CTNNA3: variants seen among roughly 807,000 people sequenced by gnomAD.
CTNNA3 encodes catenin alpha-3.
CTNNA3 carries 76 observed loss-of-function variants against 95.7 expected under a neutral mutation model. The observed-to-expected ratio is 0.79, with a 90% CI of 0.66 to 0.96. CTNNA3 has a LOEUF of 0.96. Ranked by LOEUF, CTNNA3 falls within the 40% of genes least tolerant of loss-of-function variation. The pLI is 0.00. For synonymous variants in CTNNA3, 431 were observed against 374.4 expected (o/e 1.15, Z -1.74); for missense variants, 1,191 against 1,089.8 (o/e 1.09, Z -1.31).
At chr10:65,944,441 T>G (rs2077478590) in intron 17 of CTNNA3, among the ~76,000 whole-genome samples, 1 of 152,182 alleles carries the variant, frequency 6.6e-6, no homozygotes, top group Non-Finnish European at 1.5e-5. Context: ...CAAACAAAAT[T>G]AGTGAGACAA....
chr10:67,170,348 C>T (rs1450075017), intron 7 of CTNNA3, among the ~76,000 whole-genome samples: 1 of 152,042 alleles, frequency 6.6e-6, no homozygotes. Context: ...TGATTCACAG[C>T]AAAAACATGG....
intron 13 of CTNNA3, among the ~76,000 whole-genome samples, chr10:66,164,983 T>C (rs539952534): frequency 9.2e-5 from 14 of 152,246 alleles, no homozygotes; most frequent in African/African-American, 3.1e-4. Flanking sequence ...AAAATTTCTG[T>C]TCCTATCTGA....
At chr10:67,358,344 G>C (rs1842886162) in intron 5 of CTNNA3, among the ~76,000 whole-genome samples, 1 of 152,152 alleles carries the variant, frequency 6.6e-6, no homozygotes, top group Non-Finnish European at 1.5e-5. Context: ...TCTTGGACCA[G>C]ATGGCCAACT....
chr10:67,401,751 A>C (rs1347093220), intron 5 of CTNNA3, among the ~76,000 whole-genome samples: 1 of 152,192 alleles, frequency 6.6e-6, no homozygotes, highest in Non-Finnish European at 1.5e-5. Context: ...CAAAGGAACC[A>C]CAAGGCTGAG....
At chr10:67,281,951 C>T (rs1163411112) in intron 5 of CTNNA3, among the ~76,000 whole-genome samples, 2 of 152,114 alleles carry the variant, frequency 1.3e-5, no homozygotes, top group African/African-American at 4.8e-5. Context: ...TGACTACTCT[C>T]TACATAGAAA....
At chr10:66,501,486 CT>C (rs1162311179) in intron 11 of CTNNA3, among the ~76,000 whole-genome samples, 1 of 152,144 alleles carries the variant, frequency 6.6e-6, no homozygotes, top group Non-Finnish European at 1.5e-5. Context: ...GTCCAGTAGG[CT>C]TTATCCACCA....
chr10:66,930,597 T>C (rs1847321920), intron 7 of CTNNA3, among the ~76,000 whole-genome samples: 1 of 152,186 alleles, frequency 6.6e-6, no homozygotes, highest in South Asian at 2.1e-4. Flanking sequence ...ACCAAATATA[T>C]TTAGGCAAGG....
At chr10:67,109,167 A>T (rs940780291) in intron 7 of CTNNA3, among the ~76,000 whole-genome samples, 6 of 152,202 alleles carry the variant, frequency 3.9e-5, no homozygotes, top group African/African-American at 1.4e-4. Flanking sequence ...AGGTTATGGC[A>T]TAAGACTGAT....
chr10:67,205,174 G>T (rs1863837899), intron 6 of CTNNA3, among the ~76,000 whole-genome samples: 1 of 152,192 alleles, frequency 6.6e-6, no homozygotes, highest in African/African-American at 2.4e-5. Context: ...AAGTTAGCTT[G>T]GCCCTGGCCC....
intron 10 of CTNNA3, among the ~76,000 whole-genome samples, chr10:66,604,816 C>T (rs1209495526): frequency 6.9e-6 from 1 of 145,924 alleles, no homozygotes; most frequent in East Asian, 2.0e-4. Flanking sequence ...CAAAGGTCAA[C>T]AACTTCAATG....
chr10:67,084,502 ACAG>A lies in CTNNA3; in HGVS notation c.1047+95812_1047+95814del, dbSNP rs200088933. Among the ~76,000 whole-genome samples the A allele has an allele frequency of 8.3e-3, 1,255 of 152,092 alleles. 15 individuals carry two copies. Among genetic ancestry groups the A allele is most frequent in the African/African-American group, 0.022 (910 of 41,542 alleles). On this transcript the variant is annotated intron_variant, in intron 7 of 17. Transcript: ENST00000433211. ...TATAATTCTACTCTAAATTTCATTC[ACAG>A]CAGAACACCCTCAGCCATGAGAAAA... is the stretch of plus-strand genomic sequence containing the variant.
intron 1 of CTNNA3, chr10:67,750,302 C>T: frequency 1.3e-6 from 2 of 1,524,286 alleles, no homozygotes; most frequent in East Asian, 2.3e-5. Context: ...CTTTGTGGAG[C>T]TCAATACCAA....
chr10:67,281,793 C>T (rs1021005151), intron 5 of CTNNA3, among the ~76,000 whole-genome samples: 1 of 152,066 alleles, frequency 6.6e-6, no homozygotes, highest in Non-Finnish European at 1.5e-5. Flanking sequence ...AAATATCCCA[C>T]CAGCCAAATG....
chr10:66,057,911 A>G (rs1589304811), intron 15 of CTNNA3, among the ~76,000 whole-genome samples: 1 of 152,304 alleles, frequency 6.6e-6, no homozygotes, highest in South Asian at 2.1e-4. Context: ...TTTACCACAC[A>G]TATGAGAAAG....
At chr10:66,591,599 C>T (rs1261772731) in intron 10 of CTNNA3, among the ~76,000 whole-genome samples, 1 of 152,056 alleles carries the variant, frequency 6.6e-6, no homozygotes, top group Non-Finnish European at 1.5e-5. Flanking sequence ...CCTCTTTTAC[C>T]TCCAGCTATC....
chr10:66,596,572 A>C (rs958051473), intron 10 of CTNNA3, among the ~76,000 whole-genome samples: 6 of 152,146 alleles, frequency 3.9e-5, no homozygotes, highest in African/African-American at 1.4e-4. Flanking sequence ...GAATATACAA[A>C]ATCTAAATAC....
intron 11 of CTNNA3, among the ~76,000 whole-genome samples, chr10:66,506,283 G>A (rs1342222505): frequency 6.6e-6 from 1 of 152,122 alleles, no homozygotes. Context: ...TGGAGGGGTT[G>A]AATGTCCAAA....
chr10:66,157,006 G>C (rs187428599), intron 13 of CTNNA3, among the ~76,000 whole-genome samples: 1 of 151,692 alleles, frequency 6.6e-6, no homozygotes, highest in Non-Finnish European at 1.5e-5. Context: ...TTTGCATTTG[G>C]GTTTTGGTTT....
chr10:66,081,716 A>T (rs879727830), intron 14 of CTNNA3, among the ~76,000 whole-genome samples: 1 of 152,204 alleles, frequency 6.6e-6, no homozygotes, highest in East Asian at 1.9e-4. Flanking sequence ...GTAGAAAATC[A>T]TGGGTTAGGC....
Sources: allele counts gnomAD v4.1 joint callset (sites outside exome capture counted in the v4.1 genomes callset), GRCh38; gene constraint gnomAD v4.1.1; transcripts MANE v1.5; gene names NCBI Gene and HGNC (gene_info 2026-07-23, HGNC 2026-07-21).